The following COL5A2 variants were observed in gnomAD, a reference collection of about 807,000 sequenced individuals.
COL5A2 encodes collagen alpha-2(V) chain.
A neutral mutation model predicts 208.2 loss-of-function variants in COL5A2; 23 were observed. The observed-to-expected ratio is 0.11, with a 90% CI of 0.08 to 0.16. The LOEUF is 0.16. COL5A2 is among the 10% of genes least tolerant of loss of function. The probability of loss-of-function intolerance (pLI) is 1.00; values close to 1 mark genes in which losing one functional copy is unlikely to be tolerated. For synonymous variants in COL5A2, 625 were observed against 628.5 expected (o/e 0.99, Z 0.08); for missense variants, 1,590 against 1,956.4 (o/e 0.81, Z 3.53).
chr2:189,351,894 G>C, the COL5A2 span, among the ~76,000 whole-genome samples: 1 of 152,036 alleles, frequency 6.6e-6, no homozygotes, highest in Non-Finnish European at 1.5e-5. Flanking sequence ...GTGCCATGGT[G>C]GTTTGCTGCA....
chr2:189,271,367 A>T, the COL5A2 span, among the ~76,000 whole-genome samples: 1 of 152,132 alleles, frequency 6.6e-6, no homozygotes, highest in South Asian at 2.1e-4. Flanking sequence ...ATCTACAACC[A>T]TCTGACCTTT....
chr2:189,161,085 G>T (rs1242163290), intron 1 of COL5A2, among the ~76,000 whole-genome samples: 1 of 151,062 alleles, frequency 6.6e-6, no homozygotes, highest in Admixed American at 6.6e-5. Context: ...CTCCCAAAGT[G>T]CTGGGCTTAC....
chr2:189,251,294 G>A, the COL5A2 span, among the ~76,000 whole-genome samples: 1 of 152,110 alleles, frequency 6.6e-6, no homozygotes, highest in East Asian at 1.9e-4. Flanking sequence ...TCATGGGGGA[G>A]GAAATGATAT....
intron 1 of COL5A2, among the ~76,000 whole-genome samples, chr2:189,133,679 C>A (rs973215316): frequency 1.3e-4 from 20 of 152,036 alleles, no homozygotes; most frequent in African/African-American, 4.3e-4. Context: ...GTTAGGTGTT[C>A]ATTACTCTGG....
intron 11 of COL5A2, among the ~76,000 whole-genome samples, 193 bp downstream of exon 11, chr2:189,084,967 T>C (rs1686622928): frequency 6.6e-6 from 1 of 152,180 alleles, no homozygotes; most frequent in Non-Finnish European, 1.5e-5. Flanking sequence ...CCTAATAACA[T>C]AATACTACGC....
chr2:189,285,969 T>C, the COL5A2 span, among the ~76,000 whole-genome samples: 13 of 152,146 alleles, frequency 8.5e-5, no homozygotes, highest in Non-Finnish European at 1.9e-4. Flanking sequence ...TAATATCACA[T>C]TTGACAAATG....
intron 1 of COL5A2, among the ~76,000 whole-genome samples, chr2:189,179,296 G>C (rs903625080): frequency 1.3e-5 from 2 of 152,072 alleles, no homozygotes; most frequent in Non-Finnish European, 2.9e-5. Context: ...GAAAAATTTA[G>C]TAGTGTACTC....
upstream of COL5A2, among the ~76,000 whole-genome samples, chr2:189,227,922 C>A (rs1162481402): frequency 6.6e-6 from 1 of 151,902 alleles, no homozygotes; most frequent in East Asian, 1.9e-4. Flanking sequence ...GTATAGATCA[C>A]ATACTAGGTC....
chr2:189,392,656 G>A, the COL5A2 span, among the ~76,000 whole-genome samples: 37 of 152,250 alleles, frequency 2.4e-4, 1 homozygote, highest in African/African-American at 7.0e-4. Flanking sequence ...CTTGTAGCAG[G>A]GAGGAGGTAG....
the COL5A2 span, among the ~76,000 whole-genome samples, chr2:189,277,839 C>T: frequency 6.6e-6 from 1 of 151,992 alleles, no homozygotes; most frequent in African/African-American, 2.4e-5. Context: ...CTGCAAGTCC[C>T]CTTTGGCAGT....
At chr2:189,059,080 A>G (rs765153077) in intron 31 of COL5A2, among the ~76,000 whole-genome samples, 187 bp from the exon 32 acceptor site, 27 of 152,212 alleles carry the variant, frequency 1.8e-4, no homozygotes, top group Non-Finnish European at 3.4e-4. Flanking sequence ...TTTTAGATGA[A>G]AACATTTTTC....
At chr2:189,232,496 G>A in the COL5A2 span, among the ~76,000 whole-genome samples, 1 of 151,598 alleles carries the variant, frequency 6.6e-6, no homozygotes, top group Non-Finnish European at 1.5e-5. Flanking sequence ...TCCTACAATA[G>A]GCCAGGCAAT....
rs1685506449 is a variant in COL5A2 at position 189,039,255 on chromosome 2, G to A, written c.3925+17C>T. 6.2e-7 allele frequency: 1 copy of A among 1,613,198 alleles called. No homozygotes were observed. The highest frequency in any genetic ancestry group is 1.7e-5 in the Admixed American group (1 of 59,972). On this transcript the variant is annotated intron_variant, in intron 51 of 53. Coordinates refer to ENST00000374866, the MANE Select transcript of COL5A2 (RefSeq NM_000393.5). ...AGAAACAACGGGTTTTGCTCAAATG[G>A]GCTGCTGTCTACTCACCACTCTGCT... is the stretch of plus-strand genomic sequence containing the variant.
At chr2:189,322,901 T>C in the COL5A2 span, among the ~76,000 whole-genome samples, 7 of 152,200 alleles carry the variant, frequency 4.6e-5, no homozygotes, top group Non-Finnish European at 8.8e-5. Context: ...ATATCCCTGA[T>C]GAACATCGAT....
the COL5A2 span, among the ~76,000 whole-genome samples, chr2:189,293,005 C>CA: frequency 1.3e-5 from 2 of 150,180 alleles, no homozygotes; most frequent in Admixed American, 1.3e-4. Context: ...ACCGCAAGAA[C>CA]AAAAAACCAA....
At chr2:189,324,915 C>T in the COL5A2 span, among the ~76,000 whole-genome samples, 1 of 152,126 alleles carries the variant, frequency 6.6e-6, no homozygotes, top group African/African-American at 2.4e-5. Flanking sequence ...TTGGAACCAA[C>T]CCAAATGTCC....
the COL5A2 span, among the ~76,000 whole-genome samples, chr2:189,393,434 T>A: frequency 6.6e-6 from 1 of 152,176 alleles, no homozygotes; most frequent in Non-Finnish European, 1.5e-5. Context: ...GTTTTTCAGC[T>A]TAAATATGGA....
chr2:189,086,522 T>C (rs1181374224), intron 9 of COL5A2, among the ~76,000 whole-genome samples: 1 of 152,212 alleles, frequency 6.6e-6, no homozygotes, highest in Non-Finnish European at 1.5e-5. Context: ...AATCAGATGA[T>C]AAAAATTTAT....
At chr2:189,288,727 T>C in the COL5A2 span, among the ~76,000 whole-genome samples, 312 of 152,252 alleles carry the variant, frequency 2.0e-3, 1 homozygote, top group African/African-American at 7.3e-3. Context: ...GCCAGCGTTA[T>C]CCTGATACCA....
Sources: gnomAD v4.1 joint callset for allele counts (sites outside exome capture counted in the v4.1 genomes callset) on GRCh38, gnomAD v4.1.1 for gene constraint, MANE v1.5 for transcripts, NCBI Gene and HGNC (gene_info 2026-07-23, HGNC 2026-07-21) for gene names.